SLC52A1: variants seen among roughly 807,000 people sequenced by gnomAD.
SLC52A1 encodes solute carrier family 52 member 1, also known as solute carrier family 52, riboflavin transporter, member 1.
Under a neutral mutation model 23.2 loss-of-function variants are expected in SLC52A1, and 20 were observed. The ratio of observed to expected loss-of-function variants is 0.86; its 90% CI spans 0.61 to 1.25. The LOEUF (loss-of-function observed/expected upper bound fraction) is 1.25, where lower values mean the gene tolerates loss of function less well. Among genes scored for constraint, SLC52A1 ranks in the 50% most tolerant of loss-of-function variants. The pLI, the probability that SLC52A1 is intolerant of heterozygous loss-of-function variation, is 0.00. For missense variants in SLC52A1, 528 were observed against 557.0 expected (o/e 0.95, Z 0.52); for synonymous variants, 260 against 256.6 (o/e 1.01, Z -0.13).
intron 1 of SLC52A1, 23 bp downstream of exon 1, chr17:5,034,838 G>C: frequency 5.6e-6 from 2 of 354,696 alleles, no homozygotes; most frequent in East Asian, 6.3e-5. Flanking sequence ...GGCGGGCGGG[G>C]AAGGTGGGGA....
Position 5,034,598 on chromosome 17 carries a change from T to C in SLC52A1, c.9A>G (p.Ala3=). The C allele has an allele frequency of 1.2e-6, 2 of 1,614,054 alleles. No individual in the cohort carries two copies. The highest frequency in any genetic ancestry group is 1.7e-6 in the Non-Finnish European group (2 of 1,179,998). Residue 3 remains alanine (A), a synonymous_variant, in exon 2 of 5, where the codon GCA becomes GCG. Coordinates refer to ENST00000254853, the MANE Select transcript of SLC52A1 (RefSeq NM_017986.4). Reference sequence around the variant, plus strand: ...TCAGCACCAGACGGCCCAGCGTGGGTGCTGCCATTCAGCCCAAAGCTGGAC... The same window carrying C: ...TCAGCACCAGACGGCCCAGCGTGGGCGCTGCCATTCAGCCCAAAGCTGGAC... The part of the protein sequence containing the change: MA[A]PTLGRLVLTH...
intron 1 of SLC52A1, 34 bp downstream of exon 1, chr17:5,034,827 G>T: frequency 2.0e-6 from 1 of 495,610 alleles, no homozygotes; most frequent in Middle Eastern, 6.2e-4. Context: ...AGGTGGCCGG[G>T]GGCGGGCGGG....
intron 1 of SLC52A1, among the ~76,000 whole-genome samples, chr17:5,042,256 T>G (rs1175050936): frequency 6.6e-6 from 1 of 152,194 alleles, no homozygotes; most frequent in Non-Finnish European, 1.5e-5. Flanking sequence ...CATGAACTGT[T>G]GTGCAGGGGA....
rs192857700 is a variant in SLC52A1 at position 5,033,277 on chromosome 17, G to A, written c.1118C>T (p.Ala373Val). 6 of 1,614,116 alleles carry A rather than the reference G, an allele frequency of 3.7e-6. No individual in the cohort carries two copies. Among genetic ancestry groups the A allele is most frequent in the Non-Finnish European group, 3.4e-6 (4 of 1,179,986 alleles). The stretch of plus-strand genomic sequence containing the variant: ...CTTGCTCACCACAAGGACCACCCCT[G>A]CAGTGGTGCCCACCAGGGGTGGGCA... The part of the protein sequence containing the change: ...SPCPPLVGTT[A>V]GVVLVVLSWV... The change falls in exon 4 of 5, where the codon GCA (alanine) becomes GTA (valine). Residue 373 changes from alanine (A) to valine (V), a missense_variant. By Grantham distance (64) the Ala-to-Val change is moderately conservative. Transcript: ENST00000254853.
At chr17:5,035,697 A>C (rs1975439517), upstream of SLC52A1, among the ~76,000 whole-genome samples, 1 of 151,834 alleles carries the variant, frequency 6.6e-6, no homozygotes, top group Non-Finnish European at 1.5e-5. Flanking sequence ...TGTTTTAATT[A>C]ATTAATTAAT....
chr17:5,034,654 G>A lies in SLC52A1; in HGVS notation c.-48C>T, dbSNP rs149948535. The A allele has an allele frequency of 1.7e-4, 275 of 1,608,248 alleles. 3 individuals are homozygous for A. In the African/African-American group the frequency reaches 3.0e-3, roughly 18 times the overall value. ...AGGACAGGGCAAAGGTCACAGGCAG[G>A]TCCTTCCCTAGGTAGGTCCAAAGAT... On this transcript the variant is annotated 5_prime_UTR_variant, in exon 2 of 5. Coordinates refer to ENST00000254853, the MANE Select transcript of SLC52A1 (RefSeq NM_017986.4).
At chr17:5,035,702 A>G (rs555353153), upstream of SLC52A1, among the ~76,000 whole-genome samples, 4 of 152,002 alleles carry the variant, frequency 2.6e-5, no homozygotes, top group East Asian at 7.8e-4. Context: ...TAATTAATTA[A>G]TTAATTTTGA....
upstream of SLC52A1, among the ~76,000 whole-genome samples, chr17:5,036,976 G>A (rs1490382730): frequency 2.6e-5 from 4 of 151,998 alleles, no homozygotes; most frequent in South Asian, 4.2e-4. Context: ...ATGCCACCAC[G>A]TCCAGCTGTT....
chr17:5,037,359 A>T (rs1039219529), upstream of SLC52A1, among the ~76,000 whole-genome samples: 1 of 152,002 alleles, frequency 6.6e-6, no homozygotes, highest in African/African-American at 2.4e-5. Context: ...TCTCTACTAA[A>T]AATACACAAA....
rs376918815 is a variant in SLC52A1, at chr17:5,033,858, A to G, written c.631T>C (p.Phe211Leu). 3.7e-6 allele frequency: 6 copies of G among 1,614,130 alleles called. No homozygotes were observed. Among genetic ancestry groups the G allele is most frequent in the Non-Finnish European group, 5.1e-6 (6 of 1,180,052 alleles). ...TALLVTSAAA[F>L]RGLLLLLPSL... ...GGCAACAGCAACAGGAGACCCCGGAAGGCGGCAGCTGAAGTGACCAGAAGG... is the reference window on the plus strand; with the variant it reads ...GGCAACAGCAACAGGAGACCCCGGAGGGCGGCAGCTGAAGTGACCAGAAGG... The change falls in exon 3 of 5, where the codon TTC (phenylalanine) becomes CTC (leucine). Residue 211 changes from phenylalanine (F) to leucine (L), a missense_variant. Coordinates refer to ENST00000254853, the MANE Select transcript of SLC52A1 (RefSeq NM_017986.4).
At chr17:5,036,023 G>A (rs1184645723), upstream of SLC52A1, among the ~76,000 whole-genome samples, 6 of 143,940 alleles carry the variant, frequency 4.2e-5, no homozygotes, top group East Asian at 1.0e-3. Context: ...CTACCGCCAC[G>A]CTCAGCTGTT....
intron 1 of SLC52A1, among the ~76,000 whole-genome samples, chr17:5,042,312 C>T (rs944179503): frequency 4.6e-5 from 7 of 152,158 alleles, no homozygotes; most frequent in African/African-American, 9.7e-5. Flanking sequence ...TCCCACTTCC[C>T]GTGTCTGTGT....
chr17:5,035,827 CCCA>C (rs1975442760), upstream of SLC52A1, among the ~76,000 whole-genome samples: 1 of 151,606 alleles, frequency 6.6e-6, no homozygotes, highest in East Asian at 1.9e-4. Context: ...TCCCCACCCC[CCCA>C]CAAGTAGCTG....
chr17:5,035,588 C>A (rs1975437618), upstream of SLC52A1, among the ~76,000 whole-genome samples: 1 of 152,226 alleles, frequency 6.6e-6, no homozygotes, highest in South Asian at 2.1e-4. Context: ...ATCCGGCAGT[C>A]CCCGGACCCA....
chr17:5,034,793 T>A, intron 1 of SLC52A1, 68 bp downstream of exon 1: 2 of 597,668 alleles, frequency 3.3e-6, no homozygotes, highest in Non-Finnish European at 5.2e-6. Flanking sequence ...GTCAGACTGC[T>A]AAGACCAGGG....
chr17:5,037,894 GTTTC>G (rs1318927095), upstream of SLC52A1, among the ~76,000 whole-genome samples: 7 of 131,386 alleles, frequency 5.3e-5, no homozygotes, highest in Non-Finnish European at 1.1e-4. Context: ...CCTAAAATCT[GTTTC>G]TTTCTTTCTT....
chr17:5,033,040 C>G lies in SLC52A1; in HGVS notation c.1264G>C (p.Gly422Arg). 1 of 1,613,668 alleles carries G rather than the reference C, an allele frequency of 6.2e-7. No individual in the cohort carries two copies. Among genetic ancestry groups the G allele is most frequent in the Non-Finnish European group, 8.5e-7 (1 of 1,179,974 alleles). Residue 422 changes from glycine (G) to arginine (R), a missense_variant, in exon 5 of 5, where the codon GGT (glycine) becomes CGT (arginine). By Grantham distance (125) the Gly-to-Arg change is moderately radical (BLOSUM62 -2). Coordinates refer to ENST00000254853, the MANE Select transcript of SLC52A1 (RefSeq NM_017986.4). ...GVAIQVGSLL[G>R]AGAMFPPTSI... The stretch of plus-strand genomic sequence containing the variant: ...GTGGGAGGGAACATGGCACCGGCAC[C>G]AAGCAGGGAGCCCACTTGGATGGCC...
chr17:5,033,124 C>T lies in SLC52A1; in HGVS notation c.1180G>A (p.Val394Met). The T allele has an allele frequency of 1.2e-6, 2 of 1,613,858 alleles. No individual in the cohort carries two copies. The highest frequency in any genetic ancestry group is 2.2e-5 in the East Asian group (1 of 44,890). Residue 394 changes from valine (V) to methionine (M), a missense_variant, in exon 5 of 5, where the codon GTG becomes ATG. Physicochemically the swap from Val to Met is conservative, Grantham distance 21 (BLOSUM62 1). Transcript: ENST00000254853. ...CCATGCAGCAGGGAGCTTGCAGCCA[C>T]CTTCACATATGAGAACACACACAGA... ...LCLCVFSYVK[V>M]AASSLLHGGG...
In SLC52A1 at chr17:5,034,664, A is replaced by G; in HGVS notation, c.-58T>C. ...AAAGGTCACAGGCAGGTCCTTCCCT[A>G]GGTAGGTCCAAAGATGCTTTGGTTC... On this transcript the variant is annotated 5_prime_UTR_variant, in exon 2 of 5. Coordinates refer to ENST00000254853, the MANE Select transcript of SLC52A1 (RefSeq NM_017986.4). 2 of 1,600,702 alleles carry G rather than the reference A, an allele frequency of 1.2e-6. No individual in the cohort carries two copies. The highest frequency in any genetic ancestry group is 1.7e-6 in the Non-Finnish European group (2 of 1,174,010).
Sources: allele counts gnomAD v4.1 joint callset (sites outside exome capture counted in the v4.1 genomes callset), GRCh38; gene constraint gnomAD v4.1.1; transcripts MANE v1.5; gene names NCBI Gene and HGNC (gene_info 2026-07-23, HGNC 2026-07-21).